SCN11A: variants seen among roughly 807,000 people sequenced by gnomAD.
The protein encoded by SCN11A is sodium channel protein type 11 subunit alpha.
Under a neutral mutation model 162.2 loss-of-function variants are expected in SCN11A, and 122 were observed. The ratio of observed to expected loss-of-function variants is 0.75; its 90% CI spans 0.65 to 0.87. SCN11A has a LOEUF of 0.87. Ranked by LOEUF, SCN11A falls within the 40% of genes least tolerant of loss-of-function variation. The pLI, the probability that SCN11A is intolerant of heterozygous loss-of-function variation, is 0.00. For synonymous variants in SCN11A, 758 were observed against 751.5 expected (o/e 1.01, Z -0.14); for missense variants, 2,015 against 2,181.6 (o/e 0.92, Z 1.52).
At chr3:39,039,200 G>A (rs2125615377) in intron 1 of SCN11A, among the ~76,000 whole-genome samples, 1 of 152,332 alleles carries the variant, frequency 6.6e-6, no homozygotes, top group African/African-American at 2.4e-5. Flanking sequence ...CCTTGCTGGA[G>A]GAACTCCTTT....
chr3:38,957,765 C>T (rs1304503933), intron 3 of SCN11A, among the ~76,000 whole-genome samples: 1 of 152,254 alleles, frequency 6.6e-6, no homozygotes. Flanking sequence ...TATAGAAGCA[C>T]TTAGGCCTGA....
intron 11 of SCN11A, among the ~76,000 whole-genome samples, chr3:38,913,095 T>C (rs1210155476): frequency 6.6e-6 from 1 of 152,232 alleles, no homozygotes; most frequent in Non-Finnish European, 1.5e-5. Flanking sequence ...TAATTTACAC[T>C]TCTACTAACA....
chr3:38,904,754 C>T (rs1465626670), intron 15 of SCN11A, among the ~76,000 whole-genome samples: 1 of 152,212 alleles, frequency 6.6e-6, no homozygotes, highest in Non-Finnish European at 1.5e-5. Flanking sequence ...CAGATGGCTC[C>T]AGCCTTTCTA....
At chr3:38,902,467 T>C (rs1212996192) in intron 16 of SCN11A, among the ~76,000 whole-genome samples, 1 of 151,990 alleles carries the variant, frequency 6.6e-6, no homozygotes, top group African/African-American at 2.4e-5. Context: ...CACTGCTCCT[T>C]GTGGAGGGAT....
intron 21 of SCN11A, 117 bp from the exon 22 acceptor site, chr3:38,883,504 A>G (rs767051889): frequency 1.1e-6 from 1 of 890,572 alleles, no homozygotes; most frequent in Non-Finnish European, 1.7e-6. Context: ...AGTTGCTCCC[A>G]TTAAAGAAGT....
chr3:38,981,537 T>TTGTG (rs10578149), intron 2 of SCN11A, among the ~76,000 whole-genome samples: 12,650 of 145,902 alleles, frequency 0.087, 1,602 homozygotes, highest in African/African-American at 0.28. Context: ...GTGTGTGTGT[T>TTGTG]TGTGTGTGTG....
chr3:38,984,121 G>A (rs2030151171), intron 2 of SCN11A, among the ~76,000 whole-genome samples: 1 of 152,170 alleles, frequency 6.6e-6, no homozygotes, highest in Non-Finnish European at 1.5e-5. Context: ...AGGAAAGGAG[G>A]AATCCCAGAG....
intron 1 of SCN11A, among the ~76,000 whole-genome samples, chr3:39,045,586 T>A (rs1385823767): frequency 6.6e-6 from 1 of 152,148 alleles, no homozygotes; most frequent in African/African-American, 2.4e-5. Context: ...TTCGATAAAA[T>A]TCAACATCCT....
At chr3:39,008,340 C>T (rs1050346264) in intron 2 of SCN11A, among the ~76,000 whole-genome samples, 3 of 151,870 alleles carry the variant, frequency 2.0e-5, no homozygotes, top group Non-Finnish European at 4.4e-5. Flanking sequence ...AAAATGTGTC[C>T]CCAGGCATCA....
chr3:39,034,674 CTTTG>C (rs757457067), intron 1 of SCN11A, among the ~76,000 whole-genome samples: 1 of 152,186 alleles, frequency 6.6e-6, no homozygotes, highest in Non-Finnish European at 1.5e-5. Context: ...GTCAAATTAT[CTTTG>C]TTTGCAGATA....
chr3:38,911,813 T>C (rs2065890896), intron 11 of SCN11A, among the ~76,000 whole-genome samples: 1 of 152,240 alleles, frequency 6.6e-6, no homozygotes, highest in East Asian at 1.9e-4. Flanking sequence ...AGCTGCTTTT[T>C]GTTTTATGTA....
chr3:38,933,465 G>A (rs1166120905), intron 7 of SCN11A, among the ~76,000 whole-genome samples: 1 of 152,106 alleles, frequency 6.6e-6, no homozygotes, highest in Non-Finnish European at 1.5e-5. Context: ...CAAAGAAGTT[G>A]AAAACTTTGA....
intron 22 of SCN11A, among the ~76,000 whole-genome samples, chr3:38,882,220 G>T (rs1392983660): frequency 6.6e-6 from 1 of 152,112 alleles, no homozygotes; most frequent in Admixed American, 6.6e-5. Flanking sequence ...GTGGGCTCTG[G>T]TATGTATTCA....
intron 9 of SCN11A, among the ~76,000 whole-genome samples, chr3:38,924,229 T>G (rs1021222239): frequency 7.0e-6 from 1 of 142,940 alleles, no homozygotes; most frequent in African/African-American, 2.5e-5. Flanking sequence ...CCTTCAGTCC[T>G]TTTTTTTTTT....
chr3:38,886,224 A>G lies in SCN11A; in HGVS notation c.2850T>C (p.His950=), dbSNP rs371936930. The change falls in exon 20 of 30, where the codon CAT becomes CAC. Residue 950 remains histidine, a synonymous_variant. Transcript: ENST00000302328. ...PEPEQQAYEL[H]QENKKPTSQR... Reference sequence around the variant, plus strand: ...GGCTCGTGGGCTTCTTGTTCTCCTGATGGAGCTCATAGGCCTAACACAGAG... The same window carrying G: ...GGCTCGTGGGCTTCTTGTTCTCCTGGTGGAGCTCATAGGCCTAACACAGAG... 10 of 1,611,260 alleles carry G rather than the reference A, an allele frequency of 6.2e-6. No individual in the cohort carries two copies. The highest frequency in any genetic ancestry group is 2.5e-6 in the Non-Finnish European group (3 of 1,178,662).
chr3:38,947,967 A>G (rs1207817986), intron 5 of SCN11A, among the ~76,000 whole-genome samples: 1 of 152,244 alleles, frequency 6.6e-6, no homozygotes, highest in Non-Finnish European at 1.5e-5. Context: ...CCCAGGCCCA[A>G]CGTTAGCACT....
intron 1 of SCN11A, among the ~76,000 whole-genome samples, chr3:39,046,863 G>C (rs751773873): frequency 2.0e-5 from 3 of 152,086 alleles, no homozygotes; most frequent in East Asian, 3.8e-4. Flanking sequence ...TAGGACTACA[G>C]GCATGCACCA....
At chr3:38,859,729 C>T (rs1261372989) in intron 28 of SCN11A, among the ~76,000 whole-genome samples, 2 of 152,130 alleles carry the variant, frequency 1.3e-5, no homozygotes, top group Admixed American at 1.3e-4. Flanking sequence ...CATTCCTGGG[C>T]ATAGGCTGAA....
intron 28 of SCN11A, among the ~76,000 whole-genome samples, chr3:38,860,283 A>G (rs568917973): frequency 5.3e-5 from 8 of 152,076 alleles, no homozygotes; most frequent in Non-Finnish European, 1.2e-4. Flanking sequence ...CTCTTTCTCC[A>G]TTGCAATTCC....
Sources: allele counts gnomAD v4.1 joint callset (sites outside exome capture counted in the v4.1 genomes callset), GRCh38; gene constraint gnomAD v4.1.1; transcripts MANE v1.5; gene names NCBI Gene and HGNC (gene_info 2026-07-23, HGNC 2026-07-21).